Variants in SYNPR observed in about 807,000 individuals in gnomAD.
SYNPR encodes synaptoporin.
Under a neutral mutation model 32.9 loss-of-function variants are expected in SYNPR, and 23 were observed. That is an observed-to-expected ratio of 0.70 (90% CI 0.50 to 0.99). The LOEUF (loss-of-function observed/expected upper bound fraction) is 0.99. SYNPR is among the 50% of genes least tolerant of loss of function. SYNPR has a pLI of 0.00. For synonymous variants in SYNPR, 146 were observed against 135.9 expected (o/e 1.07, Z -0.52); for missense variants, 318 against 349.3 (o/e 0.91, Z 0.71).
intron 3 of SYNPR, among the ~76,000 whole-genome samples, chr3:63,269,644 G>A (rs1307349627): frequency 3.9e-5 from 6 of 152,190 alleles, no homozygotes; most frequent in African/African-American, 1.4e-4. Context: ...TGCTAGGTAA[G>A]CCTTTTGTAA....
intron 4 of SYNPR, among the ~76,000 whole-genome samples, chr3:63,582,774 G>A (rs72889234): frequency 2.6e-4 from 39 of 152,062 alleles, no homozygotes; most frequent in African/African-American, 8.4e-4. Flanking sequence ...TTTGTGCCCC[G>A]GTTCTACCAC....
intron 3 of SYNPR, among the ~76,000 whole-genome samples, chr3:63,506,082 C>CTTCG (rs1241286065): frequency 6.7e-6 from 1 of 149,682 alleles, no homozygotes; most frequent in African/African-American, 2.5e-5. Context: ...ATGCTCCTCC[C>CTTCG]TTCCTTCCTT....
At chr3:63,574,413 G>T (rs956037466) in intron 4 of SYNPR, among the ~76,000 whole-genome samples, 1 of 152,072 alleles carries the variant, frequency 6.6e-6, no homozygotes, top group Non-Finnish European at 1.5e-5. Context: ...CCCAAGTATG[G>T]GTTAAGTGCT....
intron 4 of SYNPR, among the ~76,000 whole-genome samples, chr3:63,567,104 A>G (rs932567748): frequency 1.3e-5 from 2 of 152,140 alleles, no homozygotes; most frequent in Non-Finnish European, 2.9e-5. Context: ...AGCTGCTGTC[A>G]TTATAGACAA....
chr3:63,354,876 C>T (rs1575608085), intron 2 of SYNPR, among the ~76,000 whole-genome samples: 1 of 152,182 alleles, frequency 6.6e-6, no homozygotes, highest in South Asian at 2.1e-4. Context: ...TGAGCACTTT[C>T]ACATGTATTA....
Position 63,381,430 on chromosome 3 carries a change from C to T in SYNPR, c.85-99402C>T, listed in dbSNP as rs144613900. ...GACACAAACAAATGGAAGAACATTC[C>T]ATGCTCATGGGTAGGAAGAATCAAT... On this transcript the variant is annotated intron_variant, in intron 2 of 5. Transcript: ENST00000478300. Among the ~76,000 whole-genome samples the T allele has an allele frequency of 8.0e-3, 1,223 of 152,316 alleles. 19 individuals carry two copies. Among genetic ancestry groups the T allele is most frequent in the African/African-American group, 0.026 (1,095 of 41,578 alleles).
chr3:63,524,870 T>TGTGAGA (rs1701981307), intron 3 of SYNPR, among the ~76,000 whole-genome samples: 1 of 140,602 alleles, frequency 7.1e-6, no homozygotes, highest in Non-Finnish European at 1.5e-5. Context: ...TGTGTGTGTG[T>TGTGAGA]GAGAGAGAGA....
At chr3:63,554,575 G>C (rs189008482) in intron 3 of SYNPR, among the ~76,000 whole-genome samples, 1 of 152,222 alleles carries the variant, frequency 6.6e-6, no homozygotes, top group African/African-American at 2.4e-5. Context: ...CTATGTGTCT[G>C]TTTTGTACTA....
At chr3:63,263,459 C>A (rs2086455894) in intron 2 of SYNPR, among the ~76,000 whole-genome samples, 1 of 152,202 alleles carries the variant, frequency 6.6e-6, no homozygotes, top group Admixed American at 6.5e-5. Context: ...ATTAAAATTG[C>A]TGCATAATGA....
chr3:63,591,114 AAAAC>A (rs1302180707), intron 4 of SYNPR, among the ~76,000 whole-genome samples: 1 of 150,790 alleles, frequency 6.6e-6, no homozygotes, highest in Non-Finnish European at 1.5e-5. Context: ...TTACGAGAAA[AAAAC>A]AAACAACCCC....
intron 2 of SYNPR, among the ~76,000 whole-genome samples, chr3:63,390,325 A>T (rs1258006260): frequency 6.6e-6 from 1 of 152,208 alleles, no homozygotes. Context: ...TAAGTACATC[A>T]AAGGCAGGGA....
chr3:63,247,654 C>T (rs1412139290), intron 1 of SYNPR, among the ~76,000 whole-genome samples: 4 of 152,124 alleles, frequency 2.6e-5, no homozygotes, highest in African/African-American at 9.7e-5. Context: ...AGCTCTAACA[C>T]TTGGATGACC....
intron 2 of SYNPR, among the ~76,000 whole-genome samples, chr3:63,324,011 C>G (rs2106972194): frequency 6.6e-6 from 1 of 152,182 alleles, no homozygotes; most frequent in African/African-American, 2.4e-5. Flanking sequence ...TAATGTTTAG[C>G]CACCTATAGT....
At chr3:63,251,837 A>G (rs537715642) in intron 1 of SYNPR, among the ~76,000 whole-genome samples, 1 of 152,168 alleles carries the variant, frequency 6.6e-6, no homozygotes, top group African/African-American at 2.4e-5. Flanking sequence ...AACCTCAGGT[A>G]ACTCAGACAA....
chr3:63,591,897 T>A (rs1468094940), intron 4 of SYNPR, among the ~76,000 whole-genome samples: 3 of 146,258 alleles, frequency 2.1e-5, no homozygotes, highest in Non-Finnish European at 4.5e-5. Flanking sequence ...GCATGGCACA[T>A]GTACCCTAAA....
chr3:63,609,124 G>A lies in SYNPR; in HGVS notation c.409-1G>A. 1 of 1,599,772 alleles carries A rather than the reference G, an allele frequency of 6.3e-7. No individual in the cohort carries two copies. The highest frequency in any genetic ancestry group is 8.5e-7 in the Non-Finnish European group (1 of 1,173,528). ...TTTTCTATTCTGATTTGTTTCTGTA[G>A]GACTTCATTGTCACTGTAGTCTTTT... On this transcript the variant is annotated splice_acceptor_variant, in intron 4 of 5. Coordinates refer to ENST00000478300, the MANE Select transcript of SYNPR (RefSeq NM_001130003.2). LOFTEE classifies it high-confidence loss of function.
intron 2 of SYNPR, among the ~76,000 whole-genome samples, chr3:63,425,715 C>T (rs1348070431): frequency 6.6e-6 from 1 of 150,938 alleles, no homozygotes; most frequent in Non-Finnish European, 1.5e-5. Context: ...ATATGTGAAA[C>T]AGGGATAAAA....
intron 2 of SYNPR, among the ~76,000 whole-genome samples, chr3:63,378,222 A>T (rs1336644191): frequency 6.6e-6 from 1 of 151,994 alleles, no homozygotes; most frequent in Admixed American, 6.6e-5. Context: ...TCAATTATAC[A>T]GTGGGAAAGG....
intron 3 of SYNPR, among the ~76,000 whole-genome samples, chr3:63,496,839 T>C (rs1020850406): frequency 2.0e-5 from 3 of 152,078 alleles, no homozygotes; most frequent in African/African-American, 7.2e-5. Flanking sequence ...TATTCCTCAA[T>C]GCATACCTTT....
Sources: allele counts gnomAD v4.1 joint callset (sites outside exome capture counted in the v4.1 genomes callset), GRCh38; gene constraint gnomAD v4.1.1; transcripts MANE v1.5; gene names NCBI Gene and HGNC (gene_info 2026-07-23, HGNC 2026-07-21).